Variants in NBPF20 observed in about 807,000 individuals in gnomAD.
NBPF20 encodes NBPF family member NBPF20.
A neutral mutation model predicts 68.1 loss-of-function variants in NBPF20; 90 were observed. The ratio of observed to expected loss-of-function variants is 1.32; its 90% CI spans 1.11 to 1.58. The LOEUF (loss-of-function observed/expected upper bound fraction) is 1.58. Ranked by LOEUF, NBPF20 falls within the 40% of genes most tolerant of loss-of-function variation. NBPF20 has a pLI of 0.00. For synonymous variants in NBPF20, 290 were observed against 228.1 expected, an observed-to-expected ratio of 1.27 and a Z score of -2.45; for missense variants, 816 against 601.2, an observed-to-expected ratio of 1.36 and a Z score of -3.74.
chr1:145,291,590 A>C lies in NBPF20; in HGVS notation c.16877T>G (p.Phe5626Cys), dbSNP rs781941124. ...GAGACTTGTCACCGTCAAAGTAAAA[A>C]ACCTATTGTCCACGTAAAGGGCGAA... The change falls in exon 138 of 138, where the codon TTT becomes TGT. Residue 5626 changes from phenylalanine to cysteine, a missense_variant. Transcript: ENST00000369373. The C allele has an allele frequency of 5.6e-6, 9 of 1,611,934 alleles. No individual in the cohort carries two copies. In the East Asian group the frequency reaches 1.3e-4, roughly 24 times the overall value.
Position 145,309,514 on chromosome 1 carries a change from C to A in NBPF20, c.13938-266G>T, listed in dbSNP as rs1661449445. Among the ~76,000 whole-genome samples, 3 of 75,296 alleles carry A rather than the reference C, an allele frequency of 4.0e-5. No homozygotes were observed. The South Asian group carries it at 1.5e-3, about 38-fold the overall frequency. 49.4% of individuals were successfully genotyped at this position (75,296 alleles called of 152,430 possible). On this transcript the variant is annotated intron_variant, in intron 115 of 137. Transcript: ENST00000369373. ...CACACACACAGAGAGAGAGAACGAG[C>A]TCAGTGAATTATCCAGGTGACACAC... is the stretch of plus-strand genomic sequence containing the variant.
chr1:145,403,752 C>T (rs1246069097), intron 2 of NBPF20, among the ~76,000 whole-genome samples: 3 of 151,684 alleles, frequency 2.0e-5, no homozygotes, highest in Non-Finnish European at 2.9e-5. Context: ...ATTTCAAGGA[C>T]AAGTATGTGA....
intron 129 of NBPF20, among the ~76,000 whole-genome samples, chr1:145,298,387 C>G (rs1459199813): frequency 8.5e-4 from 122 of 143,698 alleles, no homozygotes; most frequent in South Asian, 1.1e-3. Context: ...CACACACACA[C>G]AGAGAGAGAG....
At chr1:145,394,796 T>A (rs1238871558) in intron 8 of NBPF20, among the ~76,000 whole-genome samples, 182 bp downstream of exon 13, 1 of 152,240 alleles carries the variant, frequency 6.6e-6, no homozygotes, top group Non-Finnish European at 1.5e-5. Context: ...CAAAGCTCAC[T>A]GACCCACCCC....
At chr1:145,407,391 C>CGT (rs1218049971), upstream of NBPF20, among the ~76,000 whole-genome samples, 2 of 141,176 alleles carry the variant, frequency 1.4e-5, no homozygotes, top group Non-Finnish European at 3.0e-5. Context: ...TATATATACA[C>CGT]GTGTATATAT....
chr1:145,393,458 AACAC>A (rs370259133), intron 9 of NBPF20, among the ~76,000 whole-genome samples: 2,254 of 145,044 alleles, frequency 0.016, 31 homozygotes, highest in African/African-American at 0.032. Flanking sequence ...CACACACACA[AACAC>A]ACACACACAC....
chr1:145,417,830 C>G, the NBPF20 span, among the ~76,000 whole-genome samples: 1 of 140,714 alleles, frequency 7.1e-6, no homozygotes, highest in African/African-American at 2.6e-5. Flanking sequence ...GAGGAACAAC[C>G]AGAACTCTCC....
At chr1:145,393,346 A>G (rs1447900048) in intron 9 of NBPF20, 100 bp from the exon 15 acceptor site, 22 of 701,306 alleles carry the variant, frequency 3.1e-5, no homozygotes, top group Middle Eastern at 3.7e-4. Context: ...GTTTGAAAAG[A>G]AAAAGGACAG....
At chr1:145,415,330 C>T in the NBPF20 span, among the ~76,000 whole-genome samples, 1 of 151,954 alleles carries the variant, frequency 6.6e-6, no homozygotes, top group Non-Finnish European at 1.5e-5. Flanking sequence ...CATTCCATTG[C>T]CCAGGGACGA....
upstream of NBPF20, among the ~76,000 whole-genome samples, chr1:145,410,444 A>G (rs1220488062): frequency 1.3e-5 from 2 of 148,900 alleles, no homozygotes; most frequent in African/African-American, 2.5e-5. Flanking sequence ...CCTCCCAAGT[A>G]GCTAGGACTA....
chr1:145,396,351 T>G lies in NBPF20; in HGVS notation c.828-1210A>C, dbSNP rs1369753593. ...CAAGCCTCCAATAAATATGGGACTA[T>G]GTGGAAAGACCAAATCTACATTTGA... On this transcript the variant is annotated intron_variant, in intron 7 of 137. Coordinates refer to ENST00000369373, the Ensembl canonical transcript of NBPF20. 1.3e-5 allele frequency among the ~76,000 whole-genome samples: 2 copies of G among 151,372 alleles called. 1 individual carries two copies. Among genetic ancestry groups the G allele is most frequent in the Non-Finnish European group, 3.0e-5 (2 of 67,586 alleles).
At chr1:145,421,187 T>C in the NBPF20 span, among the ~76,000 whole-genome samples, 1 of 151,818 alleles carries the variant, frequency 6.6e-6, no homozygotes, top group Non-Finnish European at 1.5e-5. Flanking sequence ...CAGATCTTAG[T>C]GAACAAGAAT....
Position 145,372,518 on chromosome 1 carries a change from C to G in NBPF20, c.4363G>C (p.Val1455Leu), listed in dbSNP as rs1377382738. ...TTCACAGTAAGATACTCACTGTCCA[C>G]GTCAAGAGCCAAGCCAAGGTACTGT... Residue 1455 changes from valine (V) to leucine (L), a missense_variant, in exon 36 of 138, where the codon GTG (valine) becomes CTG (leucine). Val to Leu is a conservative substitution (Grantham distance 32). Transcript: ENST00000369373. 5.4e-5 allele frequency: 27 copies of G among 503,188 alleles called. 2 individuals carry two copies. The highest frequency in any genetic ancestry group is 8.3e-5 in the Non-Finnish European group (25 of 301,100). 31.2% of individuals were successfully genotyped at this position (503,188 alleles called of 1,614,324 possible).
chr1:145,402,554 C>A (rs1444313719), intron 3 of NBPF20, among the ~76,000 whole-genome samples, 173 bp from the exon 9 acceptor site: 1 of 151,942 alleles, frequency 6.6e-6, no homozygotes, highest in Non-Finnish European at 1.5e-5. Flanking sequence ...GGTTTACAGG[C>A]TTCCTCTGTA....
the NBPF20 span, among the ~76,000 whole-genome samples, chr1:145,417,621 CAAA>C: frequency 3.8e-5 from 2 of 53,170 alleles, no homozygotes; most frequent in Non-Finnish European, 7.0e-5. Flanking sequence ...CAACACAAAG[CAAA>C]AAAAAAAAAA....
At chr1:145,396,746 G>T (rs1369153456) in intron 7 of NBPF20, among the ~76,000 whole-genome samples, 1 of 106,936 alleles carries the variant, frequency 9.4e-6, no homozygotes, top group Non-Finnish European at 1.7e-5. Context: ...ATTATTTTTT[G>T]TGTGTATGTA....
intron 7 of NBPF20, among the ~76,000 whole-genome samples, chr1:145,396,750 GTA>G (rs1662264474): frequency 9.6e-6 from 1 of 104,144 alleles, no homozygotes; most frequent in African/African-American, 5.8e-5. Context: ...TTTTTTGTGT[GTA>G]TGTATATATA....
exon 6 of NBPF20, chr1:145,400,400 T>G: frequency 6.2e-7 from 1 of 1,612,866 alleles, no homozygotes; most frequent in Non-Finnish European, 8.5e-7. Context: ...TGGAATAATG[T>G]GTACAGCATC....
chr1:145,292,441 T>G (rs782585216), exon 137 of NBPF20: 4 of 712,258 alleles, frequency 5.6e-6, no homozygotes, highest in Admixed American at 2.1e-5. Flanking sequence ...TCTTTTCTTC[T>G]TTGATCTTCT....
Sources: allele counts gnomAD v4.1 joint callset (sites outside exome capture counted in the v4.1 genomes callset), GRCh38; gene constraint gnomAD v4.1.1; transcripts MANE v1.5; gene names NCBI Gene and HGNC (gene_info 2026-07-23, HGNC 2026-07-21).